Variants in RAP1GAP2 observed in about 807,000 individuals in gnomAD.
The protein encoded by RAP1GAP2 is RAP1 GTPase activating protein 2.
A neutral mutation model predicts 95.0 loss-of-function variants in RAP1GAP2; 27 were observed. That is an observed-to-expected ratio of 0.28 (90% CI 0.21 to 0.39). The LOEUF is 0.39. Among genes scored for constraint, RAP1GAP2 ranks in the 10% least tolerant of loss-of-function variants. The pLI is 1.00. For missense variants in RAP1GAP2, 771 were observed against 970.0 expected, an observed-to-expected ratio of 0.79 and a Z score of 2.72; for synonymous variants, 373 against 380.9, an observed-to-expected ratio of 0.98 and a Z score of 0.24.
intron 3 of RAP1GAP2, among the ~76,000 whole-genome samples, chr17:2,945,661 T>C (rs2043674121): frequency 6.6e-6 from 1 of 152,116 alleles, no homozygotes; most frequent in Admixed American, 6.6e-5. Flanking sequence ...ATTCTTAGTT[T>C]TCTGAGAGTT....
chr17:2,928,079 TG>T (rs1260182935), intron 3 of RAP1GAP2, among the ~76,000 whole-genome samples: 1 of 3,334 alleles, frequency 3.0e-4, no homozygotes, highest in African/African-American at 8.7e-4. Flanking sequence ...CAGCAACTGA[TG>T]GAACTGATGG....
rs35795921 is a variant in RAP1GAP2 at position 2,758,171 on chromosome 17, G to GCCC, written c.50+2412_50+2414dup. Among the ~76,000 whole-genome samples, 97 of 104,618 alleles carry GCCC rather than the reference G, an allele frequency of 9.3e-4. 3 individuals are homozygous for GCCC. Among genetic ancestry groups the GCCC allele is most frequent in the African/African-American group, 3.2e-3 (82 of 25,436 alleles). The allele number at this position is 104,618 out of a possible 152,430, so 68.6% of individuals were successfully genotyped here. A position where few individuals can be genotyped will look rare whatever the true frequency, so the allele number is the denominator to read the frequency against. On this transcript the variant is annotated intron_variant, in intron 1 of 25. Transcript: ENST00000637138. ...GGCGTGAGCCACCACGCCTGGCCAC[G>GCCC]CCCCCCCCCCTTTTTTTTTTTTAAG...
chr17:2,810,794 G>T (rs2069739732), intron 2 of RAP1GAP2, among the ~76,000 whole-genome samples: 1 of 152,070 alleles, frequency 6.6e-6, no homozygotes. Flanking sequence ...CTCCCAAAGT[G>T]CTGGGATTAC....
chr17:2,770,843 G>T (rs548912106), intron 2 of RAP1GAP2, among the ~76,000 whole-genome samples: 1 of 151,984 alleles, frequency 6.6e-6, no homozygotes, highest in Non-Finnish European at 1.5e-5. Context: ...GAGTTCAAGA[G>T]CAGCCTGGCC....
chr17:2,876,056 G>C lies in RAP1GAP2; in HGVS notation c.81-29228G>C, dbSNP rs145120652. ...GGGTTCACGCCATTCTCCTGCCTCA[G>C]CCTCCCGAGTGGCTGGGACTACAGG... On this transcript the variant is annotated intron_variant, in intron 2 of 24. Transcript: ENST00000254695. 1.0e-3 allele frequency among the ~76,000 whole-genome samples: 154 copies of C among 151,822 alleles called. No homozygotes were observed. The East Asian group carries it at 0.014, about 13-fold the overall frequency.
chr17:3,032,138 G>A (rs889942460), intron 23 of RAP1GAP2, among the ~76,000 whole-genome samples: 23 of 128,302 alleles, frequency 1.8e-4, no homozygotes, highest in African/African-American at 6.1e-4. Flanking sequence ...CCTGGGTCCC[G>A]AATCCCTTCC....
At chr17:2,854,050 G>A (rs2072018927) in intron 2 of RAP1GAP2, 1 of 985,160 alleles carries the variant, frequency 1.0e-6, no homozygotes, top group Admixed American at 6.2e-5. Context: ...CCGCGCCGCC[G>A]TGGTGCTCAT....
intron 1 of RAP1GAP2, among the ~76,000 whole-genome samples, chr17:2,779,772 C>T (rs2068594922): frequency 1.1e-5 from 1 of 94,346 alleles, no homozygotes; most frequent in Non-Finnish European, 2.0e-5. Flanking sequence ...GGGCCATAGT[C>T]AGTGGGGGAG....
Position 2,994,500 on chromosome 17 carries a change from G to A in RAP1GAP2, c.915-837G>A, listed in dbSNP as rs140853625. Among the ~76,000 whole-genome samples the A allele has an allele frequency of 2.5e-3, 388 of 152,304 alleles. 1 individual carries two copies. The highest frequency in any genetic ancestry group is 8.9e-3 in the African/African-American group (369 of 41,570). ...CCTGGATACTCCCAAGCGGGATGCT[G>A]CAGTGGTTGGGCCTGTATCTTAGGG... On this transcript the variant is annotated intron_variant, in intron 12 of 24. Coordinates refer to ENST00000254695, the MANE Select transcript of RAP1GAP2 (RefSeq NM_015085.5).
chr17:2,828,594 C>G (rs964564906), intron 2 of RAP1GAP2, among the ~76,000 whole-genome samples: 16 of 152,038 alleles, frequency 1.1e-4, no homozygotes, highest in African/African-American at 3.4e-4. Context: ...AACACAGTTT[C>G]CCCGTCCGCC....
At chr17:2,838,582 G>A (rs1335358807) in intron 2 of RAP1GAP2, among the ~76,000 whole-genome samples, 1 of 152,142 alleles carries the variant, frequency 6.6e-6, no homozygotes, top group Non-Finnish European at 1.5e-5. Context: ...ATAGCATGGG[G>A]CAGAACACTG....
upstream of RAP1GAP2, among the ~76,000 whole-genome samples, chr17:2,775,001 T>G (rs1173563966): frequency 1.3e-5 from 2 of 151,580 alleles, no homozygotes; most frequent in Non-Finnish European, 2.9e-5. Context: ...TTTTTTTTTT[T>G]TGTATTTTTA....
At chr17:2,946,555 C>T (rs925328082) in intron 3 of RAP1GAP2, among the ~76,000 whole-genome samples, 1 of 152,134 alleles carries the variant, frequency 6.6e-6, no homozygotes, top group Non-Finnish European at 1.5e-5. Flanking sequence ...TTAAGATGTC[C>T]TATAAAAACC....
In RAP1GAP2 at chr17:2,866,763, C is replaced by T. The variant is rs1228118386; in HGVS notation, c.81-38521C>T. ...TACAGGTGTCCGCCACCAGGTCCGG[C>T]TAATTTTTATGTTTTTAGTAGAGAT... On this transcript the variant is annotated intron_variant, in intron 2 of 24. Coordinates refer to ENST00000254695, the MANE Select transcript of RAP1GAP2 (RefSeq NM_015085.5). The surrounding 1 kb of genome is among the most constrained non-coding windows in gnomAD (Gnocchi z 4.0). 1.3e-5 allele frequency among the ~76,000 whole-genome samples: 2 copies of T among 151,786 alleles called. No individual in the cohort carries two copies. Among genetic ancestry groups the T allele is most frequent in the Middle Eastern group, 6.3e-3 (2 of 316 alleles).
Position 3,029,317 on chromosome 17 carries a change from C to T in RAP1GAP2, c.2108-1605C>T, listed in dbSNP as rs1055011062. Among the ~76,000 whole-genome samples, 1 of 152,184 alleles carries T rather than the reference C, an allele frequency of 6.6e-6. No homozygotes were observed. Among genetic ancestry groups the T allele is most frequent in the African/African-American group, 2.4e-5 (1 of 41,446 alleles). ...CGGGTCTGGTGACTTATGGCCGGTG[C>T]TTCCCACACCACACGGTGAGGCTGC... On this transcript the variant is annotated intron_variant, in intron 22 of 24. Transcript: ENST00000254695. The surrounding 1 kb of genome is among the most constrained non-coding windows in gnomAD (Gnocchi z 4.4).
chr17:3,007,942 G>A (rs1467888906), intron 16 of RAP1GAP2, 69 bp from the exon 17 acceptor site: 3 of 1,551,514 alleles, frequency 1.9e-6, no homozygotes, highest in Non-Finnish European at 2.6e-6. Flanking sequence ...GGTGTCTGGA[G>A]CTCACAAGGA....
rs1303989706 is a variant in RAP1GAP2 at position 2,820,246 on chromosome 17, C to T, written c.80+19696C>T. 3.3e-5 allele frequency among the ~76,000 whole-genome samples: 5 copies of T among 152,140 alleles called. 1 individual carries two copies. The highest frequency in any genetic ancestry group is 6.6e-5 in the Admixed American group (1 of 15,258). On this transcript the variant is annotated intron_variant, in intron 2 of 24. Coordinates refer to ENST00000254695, the MANE Select transcript of RAP1GAP2 (RefSeq NM_015085.5). ...CTTTCCCCTTGCCTGGCCCTCTGTG[C>T]GTTTGTGTGAGGTCATGAGGGGTAC...
intron 8 of RAP1GAP2, among the ~76,000 whole-genome samples, chr17:2,974,209 C>T (rs1007911380): frequency 6.9e-5 from 10 of 145,916 alleles, no homozygotes; most frequent in South Asian, 4.3e-4. Flanking sequence ...ATTAGCTGGG[C>T]GCAGTGGCAG....
At chr17:2,795,165 G>C (rs1205065139), upstream of RAP1GAP2, among the ~76,000 whole-genome samples, 1 of 151,202 alleles carries the variant, frequency 6.6e-6, no homozygotes, top group African/African-American at 2.4e-5. Flanking sequence ...GGTGTGAGCC[G>C]CCACACCCGG....
Sources: allele counts gnomAD v4.1 joint callset (sites outside exome capture counted in the v4.1 genomes callset), GRCh38; gene constraint gnomAD v4.1.1; non-coding constraint Gnocchi (gnomAD v3.1); transcripts MANE v1.5; gene names NCBI Gene and HGNC (gene_info 2026-07-23, HGNC 2026-07-21).